KCNAB3: variants seen among roughly 807,000 people sequenced by gnomAD.
The protein encoded by KCNAB3 is potassium voltage-gated channel subfamily A regulatory beta subunit 3.
In KCNAB3, 62 loss-of-function variants were observed where a neutral mutation model predicts 67.7. The observed-to-expected ratio is 0.92, with a 90% CI of 0.75 to 1.13. The LOEUF (loss-of-function observed/expected upper bound fraction) is 1.13. Ranked by LOEUF, KCNAB3 falls within the 50% of genes most tolerant of loss-of-function variation. KCNAB3 has a pLI of 0.00. For missense variants in KCNAB3, 514 were observed against 522.9 expected, an observed-to-expected ratio of 0.98 and a Z score of 0.17; for synonymous variants, 212 against 205.4, an observed-to-expected ratio of 1.03 and a Z score of -0.27.
rs761421717 is a variant in KCNAB3, at chr17:7,923,077, G to C, written c.*25C>G. ...GCTCGGGCGGGTGCAGCGACACCGG[G>C]TTGGGTCCCTGCGCCCGCGACAGAC... On this transcript the variant is annotated 3_prime_UTR_variant, in exon 14 of 14. Coordinates refer to ENST00000303790, the MANE Select transcript of KCNAB3 (RefSeq NM_004732.4). 1.2e-6 allele frequency: 2 copies of C among 1,609,744 alleles called. No homozygotes were observed. Among genetic ancestry groups the C allele is most frequent in the Non-Finnish European group, 8.5e-7 (1 of 1,176,090 alleles).
chr17:7,926,035 A>T lies in KCNAB3; in HGVS notation c.449+24T>A, dbSNP rs532022927. 134 of 1,614,178 alleles carry T rather than the reference A, an allele frequency of 8.3e-5. 2 individuals carry two copies. The South Asian group carries it at 1.4e-3, about 17-fold the overall frequency. On this transcript the variant is annotated intron_variant, in intron 5 of 13. Transcript: ENST00000303790. ...AGGATTTTTGGGTGATCACATCCCCAGCAACCCCCCAAAACAGTCTCACCT... is the reference window on the plus strand; with the variant it reads ...AGGATTTTTGGGTGATCACATCCCCTGCAACCCCCCAAAACAGTCTCACCT...
In KCNAB3 at chr17:7,923,517, C is replaced by G. The variant is rs750913379; in HGVS notation, c.1076G>C (p.Ser359Thr). 2 of 1,612,202 alleles carry G rather than the reference C, an allele frequency of 1.2e-6. No homozygotes were observed. Among genetic ancestry groups the G allele is most frequent in the African/African-American group, 1.3e-5 (1 of 74,806 alleles). Residue 359 changes from serine (S) to threonine (T), a missense_variant, in exon 13 of 14, where the codon AGC becomes ACC. Coordinates refer to ENST00000303790, the MANE Select transcript of KCNAB3 (RefSeq NM_004732.4). ...IAWCLRSEGVSSVLLGVSSAE... is the reference protein window; with the variant it reads ...IAWCLRSEGVTSVLLGVSSAE... ...ACTCGACACCCCCAGCAAGACAGAG[C>G]TGACACCCTCACTGCGGAGACACCA...
intron 3 of KCNAB3, 96 bp from the exon 4 acceptor site, chr17:7,927,519 TCTCTCCC>T: frequency 6.7e-7 from 1 of 1,501,874 alleles, no homozygotes; most frequent in Non-Finnish European, 9.3e-7. Flanking sequence ...GGTTCTCTAG[TCTCTCCC>T]CTCTCCCCAT....
intron 9 of KCNAB3, 63 bp downstream of exon 9, chr17:7,924,352 A>C: frequency 6.2e-7 from 1 of 1,608,622 alleles, no homozygotes; most frequent in Non-Finnish European, 8.5e-7. Context: ...TGGGCTTTGG[A>C]GTAACCACGT....
chr17:7,924,839 C>A, intron 8 of KCNAB3: 1 of 605,758 alleles, frequency 1.7e-6, no homozygotes, highest in Middle Eastern at 4.8e-4. Context: ...AACTCCTGGG[C>A]TTGAATGATC....
rs1438104502 is a variant in KCNAB3, at chr17:7,927,422, G to C, written c.326C>G (p.Thr109Arg). 6.2e-7 allele frequency: 1 copy of C among 1,613,822 alleles called. No homozygotes were observed. Among genetic ancestry groups the C allele is most frequent in the South Asian group, 1.1e-5 (1 of 91,082 alleles). The change falls in exon 4 of 14, where the codon ACA becomes AGA. Residue 109 changes from threonine (T) to arginine (R), a missense_variant and splice_region_variant. Thr to Arg is a moderately conservative substitution (Grantham distance 71, BLOSUM62 -1). Coordinates refer to ENST00000303790, the MANE Select transcript of KCNAB3 (RefSeq NM_004732.4). ...GGCTACAGTCAGCACATCCTCTGCTGTCTAGGGAGGTGAAAGAGGTAAAGA... is the reference window on the plus strand; with the variant it reads ...GGCTACAGTCAGCACATCCTCTGCTCTCTAGGGAGGTGAAAGAGGTAAAGA... ...VTFGSQISDE[T>R]AEDVLTVAYE...
chr17:7,925,361 C>G (rs35269088), intron 7 of KCNAB3, 178 bp from the exon 8 acceptor site: 1 of 587,738 alleles, frequency 1.7e-6, no homozygotes, highest in African/African-American at 1.9e-5. Context: ...AACCCCATTT[C>G]TACTAAAAAT....
chr17:7,928,440 A>G (rs1972307838), intron 1 of KCNAB3: 1 of 162,452 alleles, frequency 6.2e-6, no homozygotes, highest in African/African-American at 2.4e-5. Context: ...TCTCTGAACC[A>G]GTGAGCCCCC....
Position 7,929,726 on chromosome 17 carries a change from G to T in KCNAB3, c.-291C>A, listed in dbSNP as rs1972363085. The T allele has an allele frequency of 1.5e-6, 2 of 1,295,396 alleles. No homozygotes were observed. The highest frequency in any genetic ancestry group is 7.3e-5 in the Admixed American group (2 of 27,502). 80.2% of individuals were successfully genotyped at this position (1,295,396 alleles called of 1,614,324 possible). A position where few individuals can be genotyped will look rare whatever the true frequency, so the allele number is the denominator to read the frequency against. Reference sequence around the variant, plus strand: ...GAGGGGGAAATGGATGAGGGTAAAGGTCGAGGATGAGGTAAAGGTCTCGGA... The same window carrying T: ...GAGGGGGAAATGGATGAGGGTAAAGTTCGAGGATGAGGTAAAGGTCTCGGA... On this transcript the variant is annotated 5_prime_UTR_variant, in exon 1 of 14. Transcript: ENST00000303790. This position sits in a 1 kb window ranked among gnomAD's most constrained non-coding sequence, Gnocchi z 5.7.
Position 7,924,392 on chromosome 17 carries a change from GCAAGGTGGGGTCAC to G in KCNAB3, c.711+9_711+22del. 2 of 1,611,014 alleles carry G rather than the reference GCAAGGTGGGGTCAC, an allele frequency of 1.2e-6. No homozygotes were observed. Among genetic ancestry groups the G allele is most frequent in the Non-Finnish European group, 8.5e-7 (1 of 1,177,778 alleles). On this transcript the variant is annotated intron_variant, in intron 9 of 13. Coordinates refer to ENST00000303790, the MANE Select transcript of KCNAB3 (RefSeq NM_004732.4). The stretch of plus-strand genomic sequence containing the variant: ...AGTGGGAACCAGTTGTGGGACAGGG[GCAAGGTGGGGTCAC>G]ACACTCACCATGATTTCTGCAGCCC...
intron 8 of KCNAB3, 182 bp from the exon 9 acceptor site, chr17:7,924,682 T>C (rs1390528524): frequency 2.9e-6 from 4 of 1,372,214 alleles, no homozygotes; most frequent in East Asian, 5.4e-5. Flanking sequence ...ACTGTGGAGT[T>C]TTGGAGGCCT....
At chr17:7,925,830 G>C in intron 6 of KCNAB3, 101 bp downstream of exon 6, 3 of 1,591,198 alleles carry the variant, frequency 1.9e-6, no homozygotes, top group Non-Finnish European at 2.6e-6. Context: ...CACAGGCATG[G>C]TGCGGACCTG....
intron 8 of KCNAB3, chr17:7,924,738 A>G: frequency 7.6e-7 from 1 of 1,307,632 alleles, no homozygotes; most frequent in Non-Finnish European, 9.8e-7. Context: ...GGAAGTGCTC[A>G]ATTTTTGTAT....
intron 1 of KCNAB3, chr17:7,928,216 A>G (rs1972300395): frequency 6.1e-6 from 2 of 326,742 alleles, no homozygotes; most frequent in East Asian, 6.7e-5. Flanking sequence ...CCAGGCCCTC[A>G]GGCAGAGTGC....
intron 11 of KCNAB3, 58 bp downstream of exon 11, chr17:7,923,910 C>A: frequency 6.4e-7 from 1 of 1,561,774 alleles, no homozygotes; most frequent in East Asian, 2.4e-5. Flanking sequence ...CCCCCCGTAA[C>A]TCCCCCCAAA....
intron 1 of KCNAB3, chr17:7,928,188 T>G: frequency 5.2e-6 from 2 of 383,236 alleles, no homozygotes; most frequent in Non-Finnish European, 9.7e-6. Flanking sequence ...TTTGTTTGAT[T>G]GTGGTGAGTT....
chr17:7,924,994 C>G (rs1972175065), intron 8 of KCNAB3, 103 bp downstream of exon 8: 2 of 1,023,732 alleles, frequency 2.0e-6, no homozygotes, highest in Non-Finnish European at 3.0e-6. Context: ...GATCCTCCTG[C>G]CTTGGCCTCC....
In KCNAB3 at chr17:7,929,832, G is replaced by GAGTA; in HGVS notation, c.-398_-397insTACT. ...CGCTGCGGGACCCGCTGGGCTCCCAGCCGCGTCGGCAGCGGGCCCAGCTCA... is the reference window on the plus strand; with the variant it reads ...CGCTGCGGGACCCGCTGGGCTCCCAGAGTACCGCGTCGGCAGCGGGCCCAGCTCA... On this transcript the variant is annotated 5_prime_UTR_variant, in exon 1 of 14. Transcript: ENST00000303790. This position sits in a 1 kb window ranked among gnomAD's most constrained non-coding sequence, Gnocchi z 5.7. The GAGTA allele has an allele frequency of 9.7e-7, 1 of 1,025,688 alleles. No homozygotes were observed. 63.5% of individuals were successfully genotyped at this position (1,025,688 alleles called of 1,614,324 possible). A position where few individuals can be genotyped will look rare whatever the true frequency, so the allele number is the denominator to read the frequency against.
intron 3 of KCNAB3, 86 bp from the exon 4 acceptor site, chr17:7,927,509 G>A (rs1354677738): frequency 4.5e-5 from 68 of 1,521,464 alleles, no homozygotes; most frequent in Non-Finnish European, 5.9e-5. Flanking sequence ...CTCAGCCCTG[G>A]GTTCTCTAGT....
Sources: gnomAD v4.1 joint callset for allele counts on GRCh38, gnomAD v4.1.1 for gene constraint, Gnocchi (gnomAD v3.1) non-coding constraint, MANE v1.5 for transcripts, NCBI Gene and HGNC (gene_info 2026-07-23, HGNC 2026-07-21) for gene names.